Variants in PTPRG observed in about 807,000 individuals in gnomAD.
The protein encoded by PTPRG is receptor-type tyrosine-protein phosphatase gamma.
Under a neutral mutation model 165.3 loss-of-function variants are expected in PTPRG, and 102 were observed. The observed-to-expected ratio is 0.62, with a 90% CI of 0.53 to 0.73. PTPRG has a LOEUF of 0.73. Ranked by LOEUF, PTPRG falls within the 30% of genes least tolerant of loss-of-function variation. The pLI is 0.00. For missense variants in PTPRG, 1,866 were observed against 1,861.4 expected (o/e 1.00, Z -0.05); for synonymous variants, 675 against 669.5 (o/e 1.01, Z -0.13).
At chr3:61,623,167 C>G (rs1701509135) in intron 1 of PTPRG, among the ~76,000 whole-genome samples, 1 of 152,118 alleles carries the variant, frequency 6.6e-6, no homozygotes, top group African/African-American at 2.4e-5. Context: ...TGCTCAGGGT[C>G]TAAGAATCGT....
At chr3:61,660,995 T>G (rs1702645231) in intron 1 of PTPRG, among the ~76,000 whole-genome samples, 1 of 152,088 alleles carries the variant, frequency 6.6e-6, no homozygotes, top group Non-Finnish European at 1.5e-5. Flanking sequence ...AGAGTGAGAC[T>G]CCATCTCAAA....
In PTPRG at chr3:61,778,512, A is replaced by C. The variant is rs972990141; in HGVS notation, c.190+29530A>C. ...GGGAGTAGCTTCTGGTCCTCTTGTTACTTAGGCCCGGAACGTTGGGGTTTT... is the reference window on the plus strand; with the variant it reads ...GGGAGTAGCTTCTGGTCCTCTTGTTCCTTAGGCCCGGAACGTTGGGGTTTT... On this transcript the variant is annotated intron_variant, in intron 2 of 29. Coordinates refer to ENST00000474889, the MANE Select transcript of PTPRG (RefSeq NM_002841.4). Among the ~76,000 whole-genome samples the C allele has an allele frequency of 5.9e-5, 9 of 152,020 alleles. No homozygotes were observed. In the South Asian group the frequency reaches 1.7e-3, roughly 28 times the overall value.
At chr3:61,568,750 A>G (rs574381644) in intron 1 of PTPRG, among the ~76,000 whole-genome samples, 15 of 152,202 alleles carry the variant, frequency 9.9e-5, no homozygotes, top group South Asian at 4.1e-4. Context: ...TCTTCTAAAA[A>G]TACAAAAATT....
At chr3:61,779,525 C>T (rs1202213997) in intron 2 of PTPRG, among the ~76,000 whole-genome samples, 2 of 152,076 alleles carry the variant, frequency 1.3e-5, no homozygotes, top group Non-Finnish European at 2.9e-5. Flanking sequence ...CCTTTTTTTG[C>T]AGTCCTCCAG....
intron 12 of PTPRG, among the ~76,000 whole-genome samples, chr3:62,204,245 A>G (rs1420243366): frequency 6.6e-6 from 1 of 152,202 alleles, no homozygotes; most frequent in Admixed American, 6.5e-5. Context: ...AAAAAAAGCC[A>G]TCGATCTTAA....
intron 2 of PTPRG, among the ~76,000 whole-genome samples, chr3:61,813,957 G>A (rs940613369): frequency 1.4e-4 from 21 of 150,240 alleles, no homozygotes; most frequent in African/African-American, 4.2e-4. Context: ...GTGCAGTGGC[G>A]CAATCTTGTC....
At chr3:61,743,032 C>A (rs758386068) in intron 1 of PTPRG, 46 of 1,593,188 alleles carry the variant, frequency 2.9e-5, no homozygotes, top group Non-Finnish European at 3.8e-5. Flanking sequence ...CAGGAACTTG[C>A]GGCGCTTGCG....
intron 2 of PTPRG, among the ~76,000 whole-genome samples, chr3:61,891,109 A>G (rs923188012): frequency 2.6e-5 from 4 of 151,984 alleles, no homozygotes; most frequent in African/African-American, 9.7e-5. Flanking sequence ...CACGAGGTCA[A>G]GAGTTTGAGA....
At chr3:61,943,043 G>A (rs1428488133) in intron 2 of PTPRG, among the ~76,000 whole-genome samples, 1 of 152,170 alleles carries the variant, frequency 6.6e-6, no homozygotes, top group Non-Finnish European at 1.5e-5. Flanking sequence ...CGCCAGGTAT[G>A]CTTGTTGGTC....
At chr3:61,784,053 A>G (rs2034621474) in intron 2 of PTPRG, among the ~76,000 whole-genome samples, 2 of 152,226 alleles carry the variant, frequency 1.3e-5, no homozygotes, top group South Asian at 4.1e-4. Flanking sequence ...AAACACCAAT[A>G]TTAAAGAAGC....
chr3:62,068,990 A>G (rs781032298), intron 4 of PTPRG, among the ~76,000 whole-genome samples: 1 of 152,206 alleles, frequency 6.6e-6, no homozygotes, highest in Non-Finnish European at 1.5e-5. Context: ...TATTCTTCAG[A>G]GCTTGGTTCC....
intron 5 of PTPRG, among the ~76,000 whole-genome samples, chr3:62,130,629 A>G (rs1285937303): frequency 6.6e-6 from 1 of 152,074 alleles, no homozygotes; most frequent in African/African-American, 2.4e-5. Context: ...TGGGATCCTT[A>G]TTTTATTCTA....
chr3:61,877,865 G>A (rs569250656), intron 2 of PTPRG, among the ~76,000 whole-genome samples: 31 of 152,192 alleles, frequency 2.0e-4, no homozygotes, highest in Middle Eastern at 3.2e-3. Flanking sequence ...AGAAGAAGTT[G>A]TATTTTTGAA....
chr3:62,008,293 G>T (rs1274663379), intron 4 of PTPRG, among the ~76,000 whole-genome samples: 1 of 152,318 alleles, frequency 6.6e-6, no homozygotes, highest in African/African-American at 2.4e-5. Context: ...TTGCATGCTT[G>T]TTGTTTGAGG....
rs1465695628 is a variant in PTPRG, at chr3:62,237,488, G to A, written c.2375+6177G>A. On this transcript the variant is annotated intron_variant, in intron 14 of 29. Coordinates refer to ENST00000474889, the MANE Select transcript of PTPRG (RefSeq NM_002841.4). This position sits in a 1 kb window ranked among gnomAD's most constrained non-coding sequence, Gnocchi z 4.5. The stretch of plus-strand genomic sequence containing the variant: ...TGTATATTTTTCAGCAGGGAGCTCA[G>A]GGACTTGACGTTGACAGCTGATACT... Among the ~76,000 whole-genome samples the A allele has an allele frequency of 1.3e-5, 2 of 152,172 alleles. No homozygotes were observed. The highest frequency in any genetic ancestry group is 4.8e-5 in the African/African-American group (2 of 41,430).
chr3:61,627,992 C>T lies in PTPRG; in HGVS notation c.85+65620C>T, dbSNP rs144330534. ...AGCACTGGCTGACATGGAGGAGTGCCAACATTTTTGGGTCATACTTTAGAA... is the reference window on the plus strand; with the variant it reads ...AGCACTGGCTGACATGGAGGAGTGCTAACATTTTTGGGTCATACTTTAGAA... On this transcript the variant is annotated intron_variant, in intron 1 of 29. Coordinates refer to ENST00000474889, the MANE Select transcript of PTPRG (RefSeq NM_002841.4). 2.5e-3 allele frequency among the ~76,000 whole-genome samples: 378 copies of T among 152,234 alleles called. 1 individual carries two copies. Among genetic ancestry groups the T allele is most frequent in the African/African-American group, 8.8e-3 (366 of 41,538 alleles).
At chr3:61,602,592 C>T (rs1700900305) in intron 1 of PTPRG, among the ~76,000 whole-genome samples, 1 of 152,198 alleles carries the variant, frequency 6.6e-6, no homozygotes, top group Non-Finnish European at 1.5e-5. Flanking sequence ...GTTTTAGCTG[C>T]AGTAAAACCT....
At chr3:61,571,474 A>C (rs1276335686) in intron 1 of PTPRG, among the ~76,000 whole-genome samples, 1 of 152,214 alleles carries the variant, frequency 6.6e-6, no homozygotes, top group Non-Finnish European at 1.5e-5. Flanking sequence ...TGGGTGGAAT[A>C]AAGGTGTCTT....
intron 2 of PTPRG, among the ~76,000 whole-genome samples, chr3:61,977,004 C>T (rs2040524771): frequency 6.6e-6 from 1 of 151,982 alleles, no homozygotes; most frequent in Non-Finnish European, 1.5e-5. Context: ...CCACATAATT[C>T]CATAATGCAT....
Sources: gnomAD v4.1 joint callset for allele counts (sites outside exome capture counted in the v4.1 genomes callset) on GRCh38, gnomAD v4.1.1 for gene constraint, Gnocchi (gnomAD v3.1) non-coding constraint, MANE v1.5 for transcripts, NCBI Gene and HGNC (gene_info 2026-07-23, HGNC 2026-07-21) for gene names.